Variants in ZNF652 observed in about 807,000 individuals in gnomAD.
ZNF652 encodes zinc finger protein 652.
Under a neutral mutation model 45.2 loss-of-function variants are expected in ZNF652, and 16 were observed. That is an observed-to-expected ratio of 0.35 (90% confidence interval 0.24 to 0.54). The LOEUF (loss-of-function observed/expected upper bound fraction) is 0.54, where lower values mean the gene tolerates loss of function less well. Among genes scored for constraint, ZNF652 ranks in the 20% least tolerant of loss-of-function variants. ZNF652 has a pLI of 0.91. For missense variants in ZNF652, 614 were observed against 765.6 expected, an observed-to-expected ratio of 0.80 and a Z score of 2.34; for synonymous variants, 250 against 260.6, an observed-to-expected ratio of 0.96 and a Z score of 0.39.
intron 1 of ZNF652, among the ~76,000 whole-genome samples, chr17:49,325,886 CA>C (rs1286651012): frequency 2.6e-5 from 4 of 152,074 alleles, no homozygotes; most frequent in African/African-American, 9.7e-5. Flanking sequence ...CAAATTCTAG[CA>C]GAGTTGAAAC....
At chr17:49,314,736 C>T (rs373130033) in intron 2 of ZNF652, among the ~76,000 whole-genome samples, 2 of 152,242 alleles carry the variant, frequency 1.3e-5, no homozygotes, top group East Asian at 3.9e-4. Context: ...TGTTAATATT[C>T]ACTATAAATA....
intron 1 of ZNF652, among the ~76,000 whole-genome samples, chr17:49,344,738 C>G (rs548432556): frequency 6.6e-6 from 1 of 152,016 alleles, no homozygotes; most frequent in African/African-American, 2.4e-5. Context: ...CCAGGCTGGT[C>G]GCGAACTCCT....
intron 1 of ZNF652, among the ~76,000 whole-genome samples, chr17:49,347,146 A>G (rs2070213201): frequency 6.6e-6 from 1 of 152,216 alleles, no homozygotes; most frequent in African/African-American, 2.4e-5. Flanking sequence ...CATTCTTTTG[A>G]AAACAGATAA....
chr17:49,318,712 C>T (rs571418616), intron 1 of ZNF652, among the ~76,000 whole-genome samples: 1 of 152,150 alleles, frequency 6.6e-6, no homozygotes, highest in Non-Finnish European at 1.5e-5. Context: ...CACGCAAGAG[C>T]TTTATATTGG....
At chr17:49,339,576 A>G (rs1279523538) in intron 1 of ZNF652, among the ~76,000 whole-genome samples, 1 of 152,126 alleles carries the variant, frequency 6.6e-6, no homozygotes, top group Admixed American at 6.6e-5. Flanking sequence ...ATGGGCAGAC[A>G]GCGACCCTCA....
rs2069734371 is a variant in ZNF652, at chr17:49,312,732, G to C, written c.1014C>G (p.Phe338Leu). Reference sequence around the variant, plus strand: ...GTTTCCGCACATGAGCCATGGTATAGAATTTCTTCTCACAAATTTCACAGG... The same window carrying C: ...GTTTCCGCACATGAGCCATGGTATACAATTTCTTCTCACAAATTTCACAGG... ...KFSCEICEKK[F>L]YTMAHVRKHM... Residue 338 changes from phenylalanine (F) to leucine (L), a missense_variant, in exon 3 of 6, where the codon TTC becomes TTG. Phe to Leu is a conservative substitution (Grantham distance 22, BLOSUM62 0). This residue lies in a region of ZNF652 where 262 missense variants were observed against 306.3 expected (regional missense o/e 0.86). Coordinates refer to ENST00000430262, the MANE Select transcript of ZNF652 (RefSeq NM_001145365.3). The C allele has an allele frequency of 1.2e-6, 2 of 1,613,986 alleles. No homozygotes were observed. Among genetic ancestry groups the C allele is most frequent in the African/African-American group, 2.7e-5 (2 of 74,910 alleles).
chr17:49,336,594 G>A (rs937186629), intron 1 of ZNF652, among the ~76,000 whole-genome samples: 1 of 151,662 alleles, frequency 6.6e-6, no homozygotes, highest in Non-Finnish European at 1.5e-5. Flanking sequence ...CTCCCAAAGT[G>A]CTGGGATTAC....
At chr17:49,301,320 G>A (rs2069549303) in intron 5 of ZNF652, among the ~76,000 whole-genome samples, 1 of 151,950 alleles carries the variant, frequency 6.6e-6, no homozygotes, top group African/African-American at 2.4e-5. Flanking sequence ...TTGAGTCGGA[G>A]TCTTGCTCTG....
chr17:49,311,859 C>T (rs1263531117), intron 4 of ZNF652, 68 bp downstream of exon 4: 7 of 1,340,636 alleles, frequency 5.2e-6, no homozygotes, highest in Admixed American at 1.9e-5. Flanking sequence ...ACACCTCTCT[C>T]TCACTGGTCC....
intron 1 of ZNF652, among the ~76,000 whole-genome samples, chr17:49,343,386 C>T (rs2070169649): frequency 6.6e-6 from 1 of 152,180 alleles, no homozygotes; most frequent in Non-Finnish European, 1.5e-5. Context: ...ACACCACAGA[C>T]ATTTACATTC....
chr17:49,316,689 G>C (rs1030501165), intron 2 of ZNF652, 137 bp downstream of exon 2: 8 of 954,728 alleles, frequency 8.4e-6, no homozygotes, highest in Non-Finnish European at 1.2e-5. Context: ...GACCAAAGCA[G>C]GAGCTTTTCA....
At chr17:49,325,169 T>G (rs747961400) in intron 1 of ZNF652, among the ~76,000 whole-genome samples, 1 of 152,222 alleles carries the variant, frequency 6.6e-6, no homozygotes, top group African/African-American at 2.4e-5. Context: ...CTAAGCTTAA[T>G]GATTTCTAGC....
At chr17:49,341,616 A>C (rs904682809) in intron 1 of ZNF652, among the ~76,000 whole-genome samples, 1 of 151,954 alleles carries the variant, frequency 6.6e-6, no homozygotes, top group Non-Finnish European at 1.5e-5. Flanking sequence ...GTGAGCTGTG[A>C]CCACACCACT....
At position 49,292,919 on chromosome 17, in the gene ZNF652, A is replaced by G. The variant is rs1260023622; in HGVS notation, c.*5494T>C. On this transcript the variant is annotated 3_prime_UTR_variant, in exon 6 of 6. Transcript: ENST00000430262. Reference sequence around the variant, plus strand: ...CCCATTGGAATATGGGTGAATTCCAATATTCATGGATAATGAAATAGTCAG... The same window carrying G: ...CCCATTGGAATATGGGTGAATTCCAGTATTCATGGATAATGAAATAGTCAG... Among the ~76,000 whole-genome samples, 1 of 152,240 alleles carries G rather than the reference A, an allele frequency of 6.6e-6. No individual in the cohort carries two copies. Among genetic ancestry groups the G allele is most frequent in the African/African-American group, 2.4e-5 (1 of 41,474 alleles).
chr17:49,319,430 C>T (rs1274961011), intron 1 of ZNF652, among the ~76,000 whole-genome samples: 4 of 151,394 alleles, frequency 2.6e-5, no homozygotes, highest in East Asian at 1.9e-4. Context: ...GTCAGGAGAT[C>T]GAGACCATCC....
At chr17:49,331,185 G>A (rs578215873) in intron 1 of ZNF652, among the ~76,000 whole-genome samples, 2 of 147,012 alleles carry the variant, frequency 1.4e-5, no homozygotes, top group African/African-American at 5.0e-5. Flanking sequence ...GCAGTGGCGC[G>A]ATCTCAGCTC....
At position 49,291,761 on chromosome 17, in the gene ZNF652, C is replaced by A. The variant is rs1456825452; in HGVS notation, c.*6652G>T. The A allele has an allele frequency of 2.0e-5, 3 of 152,194 alleles. No individual in the cohort carries two copies. Among genetic ancestry groups the A allele is most frequent in the East Asian group, 3.8e-4 (2 of 5,206 alleles). 9.4% of individuals were successfully genotyped at this position (152,194 alleles called of 1,614,324 possible). A position where few individuals can be genotyped will look rare whatever the true frequency, so the allele number is the denominator to read the frequency against. On this transcript the variant is annotated 3_prime_UTR_variant, in exon 6 of 6. Transcript: ENST00000430262. Reference sequence around the variant, plus strand: ...TACTAGTTACTATCCAAGAGGCAAACTTCTAGATCAATAATGAGGAAGAAA... The same window carrying A: ...TACTAGTTACTATCCAAGAGGCAAAATTCTAGATCAATAATGAGGAAGAAA...
In ZNF652 at chr17:49,294,241, A is replaced by G. The variant is rs954666926; in HGVS notation, c.*4172T>C. Among the ~76,000 whole-genome samples the G allele has an allele frequency of 1.3e-5, 2 of 152,212 alleles. No individual in the cohort carries two copies. On this transcript the variant is annotated 3_prime_UTR_variant, in exon 6 of 6. Coordinates refer to ENST00000430262, the MANE Select transcript of ZNF652 (RefSeq NM_001145365.3). ...GCTTTCGGTTAGTATATGAGGGACA[A>G]TCAAATTATAGGGACAGTTCTAACC...
In ZNF652 at chr17:49,298,820, C is replaced by A. The variant is rs764561016; in HGVS notation, c.1414G>T (p.Asp472Tyr). The A allele has an allele frequency of 6.2e-7, 1 of 1,614,102 alleles. No individual in the cohort carries two copies. The highest frequency in any genetic ancestry group is 1.7e-5 in the Admixed American group (1 of 60,010). The change falls in exon 6 of 6, where the codon GAT (aspartate) becomes TAT (tyrosine). Residue 472 changes from aspartate (D) to tyrosine (Y), a missense_variant. Transcript: ENST00000430262. Reference protein sequence around the residue: ...THTGEKPYPCDVCGQRFRFSN... With the variant: ...THTGEKPYPCYVCGQRFRFSN... ...AAGCGGAACCGCTGGCCACACACAT[C>A]ACATGGATAGGGCTTCTCGCCTGTG... is the stretch of plus-strand genomic sequence containing the variant.
Sources: allele counts gnomAD v4.1 joint callset (sites outside exome capture counted in the v4.1 genomes callset), GRCh38; gene constraint gnomAD v4.1.1; regional missense constraint gnomAD v4.1.1; transcripts MANE v1.5; gene names NCBI Gene and HGNC (gene_info 2026-07-23, HGNC 2026-07-21).